ARIH2: variants seen among roughly 807,000 people sequenced by gnomAD.
The protein encoded by ARIH2 is ariadne RBR E3 ubiquitin protein ligase 2.
ARIH2 carries 12 observed loss-of-function variants against 79.8 expected under a neutral mutation model. That is an observed-to-expected ratio of 0.15 (90% CI 0.10 to 0.24). The LOEUF is 0.24. ARIH2 is among the 10% of genes least tolerant of loss of function. The pLI, the probability that ARIH2 is intolerant of heterozygous loss-of-function variation, is 1.00. For synonymous variants in ARIH2, 224 were observed against 213.9 expected, an observed-to-expected ratio of 1.05 and a Z score of -0.41; for missense variants, 301 against 618.3, an observed-to-expected ratio of 0.49 and a Z score of 5.44.
chr3:48,939,808 G>A (rs1043510935), intron 3 of ARIH2, among the ~76,000 whole-genome samples: 8 of 139,502 alleles, frequency 5.7e-5, no homozygotes, highest in Non-Finnish European at 9.5e-5. Context: ...AAAAACTGAA[G>A]TAATAATCAC....
At chr3:48,939,359 T>G (rs1320280746) in intron 3 of ARIH2, among the ~76,000 whole-genome samples, 1 of 152,124 alleles carries the variant, frequency 6.6e-6, no homozygotes, top group East Asian at 1.9e-4. Context: ...CCCTTGAGTC[T>G]GGAGTAATAG....
intron 3 of ARIH2, among the ~76,000 whole-genome samples, chr3:48,940,445 A>G (rs1351997350): frequency 6.6e-6 from 1 of 152,132 alleles, no homozygotes; most frequent in Non-Finnish European, 1.5e-5. Context: ...CACTCCTGTA[A>G]TCCCAGCACT....
intron 3 of ARIH2, among the ~76,000 whole-genome samples, chr3:48,930,890 A>G (rs1167002792): frequency 6.6e-6 from 1 of 152,188 alleles, no homozygotes; most frequent in East Asian, 1.9e-4. Flanking sequence ...ATTGAAAATT[A>G]TAGCCTTACG....
At chr3:48,937,450 T>C (rs1400009258) in intron 3 of ARIH2, among the ~76,000 whole-genome samples, 1 of 152,168 alleles carries the variant, frequency 6.6e-6, no homozygotes, top group Admixed American at 6.6e-5. Context: ...CACTCTTGCC[T>C]CTGTACCACT....
At chr3:48,971,238 TTC>T (rs758004653) in intron 8 of ARIH2, among the ~76,000 whole-genome samples, 1 of 152,168 alleles carries the variant, frequency 6.6e-6, no homozygotes, top group Non-Finnish European at 1.5e-5. Context: ...GACCCTTATA[TTC>T]TCTCTTTTTT....
intron 2 of ARIH2, among the ~76,000 whole-genome samples, chr3:48,925,404 C>T (rs1244797173): frequency 2.1e-5 from 3 of 144,308 alleles, no homozygotes; most frequent in Non-Finnish European, 3.0e-5. Flanking sequence ...TGAGCCACCG[C>T]GCCCAGCTGA....
chr3:48,985,067 G>C lies in ARIH2; in HGVS notation c.*1797G>C, dbSNP rs2092868947. On this transcript the variant is annotated 3_prime_UTR_variant, in exon 16 of 16. Transcript: ENST00000356401. Reference sequence around the variant, plus strand: ...GACCTGGAGGTCAGGTGTGAATGCTGTATTGGCACAGGGAATAAATATCCT... The same window carrying C: ...GACCTGGAGGTCAGGTGTGAATGCTCTATTGGCACAGGGAATAAATATCCT... The C allele has an allele frequency of 6.6e-6, 1 of 152,386 alleles. No homozygotes were observed. The highest frequency in any genetic ancestry group is 1.9e-4 in the East Asian group (1 of 5,186). 9.4% of individuals were successfully genotyped at this position (152,386 alleles called of 1,614,324 possible).
chr3:48,954,093 G>A (rs982920014), intron 3 of ARIH2, among the ~76,000 whole-genome samples: 6 of 151,706 alleles, frequency 4.0e-5, no homozygotes, highest in African/African-American at 1.5e-4. Context: ...CCTGGGAGGC[G>A]GAGGTTGCAG....
At chr3:48,937,686 A>G (rs2087354648) in intron 3 of ARIH2, among the ~76,000 whole-genome samples, 1 of 152,154 alleles carries the variant, frequency 6.6e-6, no homozygotes. Context: ...TGTGTGCTTC[A>G]ATTTGTAAAC....
At chr3:48,980,050 C>A in intron 12 of ARIH2, 1 of 260,818 alleles carries the variant, frequency 3.8e-6, no homozygotes, top group Non-Finnish European at 7.2e-6. Flanking sequence ...CTTTAGAAGC[C>A]CAAAGAGCCC....
chr3:48,962,568 A>G (rs757064847), intron 4 of ARIH2, among the ~76,000 whole-genome samples: 27 of 152,112 alleles, frequency 1.8e-4, no homozygotes, highest in Non-Finnish European at 3.7e-4. Context: ...GAGATCTCCT[A>G]TGCTCACCCT....
chr3:48,932,988 G>A (rs1393482004), intron 3 of ARIH2, among the ~76,000 whole-genome samples: 1 of 152,176 alleles, frequency 6.6e-6, no homozygotes, highest in Non-Finnish European at 1.5e-5. Context: ...AGATGTATAG[G>A]TAGAAAGGAA....
intron 8 of ARIH2, among the ~76,000 whole-genome samples, chr3:48,971,639 C>G (rs2107621497): frequency 6.6e-6 from 1 of 152,302 alleles, no homozygotes; most frequent in East Asian, 1.9e-4. Context: ...AATCATACCT[C>G]CCTGGAATAT....
chr3:48,957,612 T>C (rs1156423649), intron 3 of ARIH2, among the ~76,000 whole-genome samples: 1 of 152,146 alleles, frequency 6.6e-6, no homozygotes, highest in Non-Finnish European at 1.5e-5. Context: ...ACAGAAAGCA[T>C]GGTGTAAGGC....
chr3:48,980,695 A>G (rs1309116102), intron 13 of ARIH2, among the ~76,000 whole-genome samples, 199 bp downstream of exon 13: 1 of 152,026 alleles, frequency 6.6e-6, no homozygotes, highest in Non-Finnish European at 1.5e-5. Flanking sequence ...CAGGGGATTT[A>G]TAAGAGTGTT....
chr3:48,955,330 GTCT>G (rs1316637397), intron 3 of ARIH2, among the ~76,000 whole-genome samples: 1 of 151,148 alleles, frequency 6.6e-6, no homozygotes, highest in East Asian at 1.9e-4. Flanking sequence ...TAAGTCATTA[GTCT>G]TTTTTTTTTT....
chr3:48,953,792 G>A (rs958161051), intron 3 of ARIH2, among the ~76,000 whole-genome samples: 6 of 151,942 alleles, frequency 3.9e-5, no homozygotes, highest in African/African-American at 1.5e-4. Context: ...TACCTCCTGG[G>A]CTCAAGCGAT....
At chr3:48,929,866 GGAAAT>G (rs1281136782) in intron 3 of ARIH2, among the ~76,000 whole-genome samples, 3 of 152,046 alleles carry the variant, frequency 2.0e-5, no homozygotes, top group East Asian at 1.9e-4. Context: ...GTTTCCTGTT[GGAAAT>G]GAAATGAAAG....
chr3:48,936,971 T>C (rs1394409737), intron 3 of ARIH2, among the ~76,000 whole-genome samples: 1 of 151,612 alleles, frequency 6.6e-6, no homozygotes. Flanking sequence ...GAGCTTGCGG[T>C]GAGCCAAGAT....
Sources: gnomAD v4.1 joint callset for allele counts (sites outside exome capture counted in the v4.1 genomes callset) on GRCh38, gnomAD v4.1.1 for gene constraint, MANE v1.5 for transcripts, NCBI Gene and HGNC (gene_info 2026-07-23, HGNC 2026-07-21) for gene names.